SMURF2: variants seen among roughly 807,000 people sequenced by gnomAD.
SMURF2 encodes SMAD specific E3 ubiquitin protein ligase 2.
SMURF2 carries 48 observed loss-of-function variants against 109.6 expected under a neutral mutation model. The observed-to-expected ratio is 0.44, with a 90% CI of 0.35 to 0.56. SMURF2 has a LOEUF of 0.56. Ranked by LOEUF, SMURF2 falls within the 20% of genes least tolerant of loss-of-function variation. SMURF2 has a pLI of 0.01. For synonymous variants in SMURF2, 288 were observed against 317.1 expected, an observed-to-expected ratio of 0.91 and a Z score of 0.97; for missense variants, 575 against 909.0, an observed-to-expected ratio of 0.63 and a Z score of 4.72.
intron 2 of SMURF2, among the ~76,000 whole-genome samples, chr17:64,601,642 A>C (rs1282550061): frequency 3.9e-5 from 6 of 152,136 alleles, no homozygotes; most frequent in South Asian, 4.1e-4. Flanking sequence ...CAGTGTGGAG[A>C]TTCCTTAAAG....
intron 1 of SMURF2, among the ~76,000 whole-genome samples, chr17:64,631,462 G>C (rs561860171): frequency 5.4e-4 from 82 of 152,186 alleles, no homozygotes; most frequent in Non-Finnish European, 8.1e-4. Context: ...TTAAAGATGA[G>C]AGACACATGT....
At chr17:64,559,348 C>A (rs1364531438) in intron 12 of SMURF2, among the ~76,000 whole-genome samples, 3 of 152,098 alleles carry the variant, frequency 2.0e-5, no homozygotes, top group African/African-American at 7.2e-5. Flanking sequence ...GTAATCCCAG[C>A]ACTTTGGGAG....
At position 64,571,950 on chromosome 17, in the gene SMURF2, A is replaced by G; in HGVS notation, c.864T>C (p.Leu288=). Residue 288 remains leucine, a synonymous_variant, in exon 10 of 19, where the codon CTT becomes CTC. Transcript: ENST00000262435. ...TWHDPRVPRD[L]SNINCEELGP... ...CAAGCTCTTCACAATTGATGTTGCTAAGATCCCTGCAAAAACAAATATAAA... is the reference window on the plus strand; with the variant it reads ...CAAGCTCTTCACAATTGATGTTGCTGAGATCCCTGCAAAAACAAATATAAA... The G allele has an allele frequency of 6.2e-7, 1 of 1,605,640 alleles. No homozygotes were observed. The highest frequency in any genetic ancestry group is 8.5e-7 in the Non-Finnish European group (1 of 1,176,900).
chr17:64,621,926 A>ATAAT, intron 1 of SMURF2, among the ~76,000 whole-genome samples: 1 of 145,724 alleles, frequency 6.9e-6, no homozygotes, highest in Non-Finnish European at 1.5e-5. Context: ...AATAATAATA[A>ATAAT]AAAGCACTGT....
At chr17:64,584,898 T>C (rs1156275580) in intron 6 of SMURF2, among the ~76,000 whole-genome samples, 5 of 152,164 alleles carry the variant, frequency 3.3e-5, no homozygotes, top group African/African-American at 1.2e-4. Context: ...TCTCTCAATA[T>C]TGATTAGTTA....
Position 64,580,963 on chromosome 17 carries a change from T to A in SMURF2, c.598A>T (p.Arg200Ter). ...TCATCAACAAAGCAGCTAAGAGGTC[T>A]GCCAGGGCTAGAATATTCGGATGCC... The part of the protein sequence containing the change: ...RPASEYSSPG[R>*]PLSCFVDENT... Residue 200 changes from arginine to a stop codon, truncating the protein, a stop_gained, in exon 8 of 19, where the codon AGA (arginine) becomes TGA (stop). Transcript: ENST00000262435. LOFTEE classifies it high-confidence loss of function. 1 of 1,614,164 alleles carries A rather than the reference T, an allele frequency of 6.2e-7. No individual in the cohort carries two copies. Among genetic ancestry groups the A allele is most frequent in the Non-Finnish European group, 8.5e-7 (1 of 1,180,018 alleles).
At position 64,599,089 on chromosome 17, in the gene SMURF2, T is replaced by C. The variant is rs531232064; in HGVS notation, c.92-599A>G. Among the ~76,000 whole-genome samples, 5 of 152,376 alleles carry C rather than the reference T, an allele frequency of 3.3e-5. No homozygotes were observed. In the East Asian group the frequency reaches 5.8e-4, roughly 18 times the overall value. The stretch of plus-strand genomic sequence containing the variant: ...TACCTGAGAATAAACAAGTGCTTAG[T>C]GATACTGATTGTAACGCAAACACTT... On this transcript the variant is annotated intron_variant, in intron 2 of 18. Coordinates refer to ENST00000262435, the MANE Select transcript of SMURF2 (RefSeq NM_022739.4).
chr17:64,564,803 AG>A (rs1555684809), intron 10 of SMURF2, among the ~76,000 whole-genome samples: 1 of 152,196 alleles, frequency 6.6e-6, no homozygotes, highest in East Asian at 1.9e-4. Context: ...CTTACCCTGT[AG>A]TTCTGCCTCC....
chr17:64,572,972 T>C (rs1969419933), intron 9 of SMURF2: 2 of 151,792 alleles, frequency 1.3e-5, no homozygotes, highest in Admixed American at 6.6e-5. Flanking sequence ...CAATGTATGA[T>C]ATGATCAGGT....
intron 1 of SMURF2, among the ~76,000 whole-genome samples, chr17:64,659,691 T>C (rs563801476): frequency 6.6e-5 from 10 of 152,252 alleles, no homozygotes; most frequent in South Asian, 6.2e-4. Flanking sequence ...TCTAACCCTT[T>C]AATGTTTATG....
At chr17:64,596,965 A>G (rs573652041) in intron 3 of SMURF2, among the ~76,000 whole-genome samples, 2 of 152,326 alleles carry the variant, frequency 1.3e-5, no homozygotes, top group South Asian at 4.1e-4. Flanking sequence ...TACCCCTGTG[A>G]CCCAACTATG....
chr17:64,566,573 T>G (rs1329627950), intron 10 of SMURF2, among the ~76,000 whole-genome samples: 2 of 100,910 alleles, frequency 2.0e-5, no homozygotes, highest in African/African-American at 3.6e-5. Context: ...TTTTTTTTTT[T>G]TTTTTTTTTT....
intron 1 of SMURF2, among the ~76,000 whole-genome samples, chr17:64,618,513 G>C (rs1483524163): frequency 2.0e-5 from 3 of 152,140 alleles, no homozygotes; most frequent in Admixed American, 2.0e-4. Flanking sequence ...AATTCACCAT[G>C]ACTTAAAGAC....
intron 3 of SMURF2, chr17:64,594,007 T>C (rs1326285124): frequency 6.5e-6 from 1 of 153,650 alleles, no homozygotes; most frequent in African/African-American, 2.4e-5. Flanking sequence ...TATTTTAAAA[T>C]GCTGTAGAAC....
At chr17:64,636,786 G>GAAA (rs375959882) in intron 1 of SMURF2, among the ~76,000 whole-genome samples, 1 of 118,624 alleles carries the variant, frequency 8.4e-6, no homozygotes, top group South Asian at 2.7e-4. Flanking sequence ...CTCAAAAAAA[G>GAAA]AAAAAAAAAA....
chr17:64,549,663 C>T (rs1040656962), intron 16 of SMURF2, among the ~76,000 whole-genome samples: 2 of 151,874 alleles, frequency 1.3e-5, no homozygotes, highest in East Asian at 1.9e-4. Context: ...GGCTGAGGCA[C>T]GAGAATCGCT....
chr17:64,588,673 G>A (rs1969705018), intron 5 of SMURF2, among the ~76,000 whole-genome samples: 1 of 151,890 alleles, frequency 6.6e-6, no homozygotes, highest in South Asian at 2.1e-4. Flanking sequence ...AGGCTGGAGT[G>A]CAGTGGTGAG....
At chr17:64,632,702 G>A (rs1254444851) in intron 1 of SMURF2, among the ~76,000 whole-genome samples, 1 of 152,194 alleles carries the variant, frequency 6.6e-6, no homozygotes, top group Non-Finnish European at 1.5e-5. Flanking sequence ...TCTGTCAAGA[G>A]ACCTAAACAA....
At chr17:64,574,163 C>A (rs1969456381) in intron 9 of SMURF2, among the ~76,000 whole-genome samples, 1 of 152,122 alleles carries the variant, frequency 6.6e-6, no homozygotes, top group South Asian at 2.1e-4. Context: ...ATGAACAATT[C>A]TACTGATAAA....
Sources: allele counts gnomAD v4.1 joint callset (sites outside exome capture counted in the v4.1 genomes callset), GRCh38; gene constraint gnomAD v4.1.1; transcripts MANE v1.5; gene names NCBI Gene and HGNC (gene_info 2026-07-23, HGNC 2026-07-21).